The following DARS1 variants were observed in gnomAD, a reference collection of about 807,000 sequenced individuals.
DARS1 encodes aspartate--tRNA ligase, cytoplasmic.
In DARS1, 51 loss-of-function variants were observed where a neutral mutation model predicts 68.8. The ratio of observed to expected loss-of-function variants is 0.74; its 90% confidence interval spans 0.59 to 0.94. The LOEUF is 0.94. Ranked by LOEUF, DARS1 falls within the 40% of genes least tolerant of loss-of-function variation. The probability of loss-of-function intolerance (pLI) is 0.00; values close to 1 mark genes in which losing one functional copy is unlikely to be tolerated. For synonymous variants in DARS1, 203 were observed against 190.4 expected (o/e 1.07, Z -0.55); for missense variants, 607 against 597.3 (o/e 1.02, Z -0.17).
chr2:135,971,677 T>C (rs927237465), intron 3 of DARS1, among the ~76,000 whole-genome samples: 3 of 152,152 alleles, frequency 2.0e-5, no homozygotes, highest in African/African-American at 7.2e-5. Context: ...GCTATGATCT[T>C]ATATTTGGAA....
Position 135,979,342 on chromosome 2 carries a change from T to C in DARS1, c.149A>G (p.Asp50Gly). The change falls in exon 3 of 16, where the codon GAC becomes GGC. Residue 50 changes from aspartate to glycine, a missense_variant. Transcript: ENST00000264161. ...KPDRVLVRVR[D>G]LTIQKADEVV... ...TTCATCAGCTTTTTGTATTGTCAAG[T>C]CTCTAACCCGAACCAAAACTCGATC... 1 of 1,474,268 alleles carries C rather than the reference T, an allele frequency of 6.8e-7. No individual in the cohort carries two copies. Among genetic ancestry groups the C allele is most frequent in the Non-Finnish European group, 9.5e-7 (1 of 1,052,204 alleles). 91.3% of individuals were successfully genotyped at this position (1,474,268 alleles called of 1,614,324 possible).
At chr2:135,924,758 A>G (rs763622665) in intron 7 of DARS1, among the ~76,000 whole-genome samples, 10 of 152,204 alleles carry the variant, frequency 6.6e-5, no homozygotes, top group Non-Finnish European at 1.5e-4. Flanking sequence ...GAATTCCATA[A>G]AAGAAAAATG....
chr2:135,939,651 C>T (rs1363226781), intron 5 of DARS1, among the ~76,000 whole-genome samples: 1 of 152,096 alleles, frequency 6.6e-6, no homozygotes, highest in African/African-American at 2.4e-5. Flanking sequence ...GCAAGAATAA[C>T]TAAGATCAGA....
chr2:135,985,354 C>T, intron 1 of DARS1, 49 bp downstream of exon 1: 2 of 1,597,860 alleles, frequency 1.3e-6, no homozygotes, highest in South Asian at 1.1e-5. Context: ...CTCGGCGCAG[C>T]CCGGCCCAGG....
intron 4 of DARS1, among the ~76,000 whole-genome samples, chr2:135,955,602 C>T (rs1281061168): frequency 2.2e-5 from 3 of 133,630 alleles, no homozygotes; most frequent in Non-Finnish European, 4.8e-5. Context: ...AAAACAGCAT[C>T]AAAAGAACAA....
chr2:135,933,921 C>T lies in DARS1; in HGVS notation c.493G>A (p.Glu165Lys). The T allele has an allele frequency of 1.2e-6, 2 of 1,613,000 alleles. No homozygotes were observed. The highest frequency in any genetic ancestry group is 1.7e-6 in the Non-Finnish European group (2 of 1,179,250). Reference protein sequence around the residue: ...QLDDAVRPEAEGEEEGRATVN... With the variant: ...QLDDAVRPEAKGEEEGRATVN... ...AGTATAATTTTTACCTCTTCTCCTTCTGCCTCAGGCCGAACAGCATCATCC... is the reference window on the plus strand; with the variant it reads ...AGTATAATTTTTACCTCTTCTCCTTTTGCCTCAGGCCGAACAGCATCATCC... The change falls in exon 6 of 16, where the codon GAA becomes AAA. Residue 165 changes from glutamate (E) to lysine (K), a missense_variant. Physicochemically the swap from Glu to Lys is moderately conservative, Grantham distance 56 (BLOSUM62 1). Transcript: ENST00000264161.
At position 135,932,814 on chromosome 2, in the gene DARS1, G is replaced by T; in HGVS notation, c.533C>A (p.Thr178Lys). ...ATCAATGACTCTGTTGTCTAATCTT[G>T]TATCCTGGTTAACAGTAGCTCTTCC... Reference protein sequence around the residue: ...EEGRATVNQDTRLDNRVIDLR... With the variant: ...EEGRATVNQDKRLDNRVIDLR... The change falls in exon 7 of 16, where the codon ACA becomes AAA. Residue 178 changes from threonine (T) to lysine (K), a missense_variant. Coordinates refer to ENST00000264161, the MANE Select transcript of DARS1 (RefSeq NM_001349.4). 4.6e-6 allele frequency: 6 copies of T among 1,306,486 alleles called. No homozygotes were observed. Among genetic ancestry groups the T allele is most frequent in the South Asian group, 1.2e-5 (1 of 80,632 alleles). The allele number at this position is 1,306,486 out of a possible 1,614,324, so 80.9% of individuals were successfully genotyped here.
intron 5 of DARS1, among the ~76,000 whole-genome samples, chr2:135,939,690 A>G (rs1681553798): frequency 6.6e-6 from 1 of 152,220 alleles, no homozygotes; most frequent in Admixed American, 6.5e-5. Flanking sequence ...GAGACACAAA[A>G]ACCCTTCAAA....
chr2:135,974,884 A>G (rs1682460772), intron 3 of DARS1, among the ~76,000 whole-genome samples: 2 of 152,226 alleles, frequency 1.3e-5, no homozygotes, highest in Non-Finnish European at 2.9e-5. Context: ...CAATATATAA[A>G]AGAAGTTCAA....
intron 5 of DARS1, among the ~76,000 whole-genome samples, chr2:135,938,216 T>C (rs1681513288): frequency 6.6e-6 from 1 of 152,222 alleles, no homozygotes; most frequent in Non-Finnish European, 1.5e-5. Flanking sequence ...TAAACTTCTC[T>C]TCTTGCTTCA....
intron 3 of DARS1, among the ~76,000 whole-genome samples, chr2:135,976,169 T>C (rs1042555920): frequency 6.6e-6 from 1 of 152,224 alleles, no homozygotes; most frequent in Non-Finnish European, 1.5e-5. Flanking sequence ...CTCACTTTTG[T>C]AAAAGAAAAA....
chr2:135,979,925 G>A (rs1331022028), intron 2 of DARS1, among the ~76,000 whole-genome samples: 1 of 152,192 alleles, frequency 6.6e-6, no homozygotes, highest in African/African-American at 2.4e-5. Flanking sequence ...ACAGATGCTG[G>A]GAATGAAGCT....
intron 11 of DARS1, 89 bp from the exon 12 acceptor site, chr2:135,914,600 G>C: frequency 1.2e-6 from 1 of 866,238 alleles, no homozygotes. Context: ...AGTTTCTCAA[G>C]GGATTACAAA....
intron 4 of DARS1, among the ~76,000 whole-genome samples, chr2:135,959,048 A>C (rs1038643228): frequency 6.6e-6 from 1 of 152,034 alleles, no homozygotes; most frequent in Middle Eastern, 3.2e-3. Flanking sequence ...CCACTTCAGG[A>C]ATTAAAAAAT....
intron 3 of DARS1, among the ~76,000 whole-genome samples, chr2:135,972,312 C>A (rs1221804648): frequency 6.6e-6 from 1 of 152,034 alleles, no homozygotes; most frequent in Non-Finnish European, 1.5e-5. Context: ...GACAAAGGTG[C>A]CAATAACATA....
chr2:135,931,143 G>C (rs1464543510), intron 7 of DARS1, among the ~76,000 whole-genome samples: 1 of 152,200 alleles, frequency 6.6e-6, no homozygotes, highest in Non-Finnish European at 1.5e-5. Flanking sequence ...TATAGAAGAA[G>C]AATGGCAATT....
chr2:135,943,343 T>C, intron 5 of DARS1, 35 bp downstream of exon 5: 3 of 1,595,938 alleles, frequency 1.9e-6, no homozygotes, highest in Middle Eastern at 3.4e-4. Flanking sequence ...CCAAATCTAT[T>C]TCTATATGCG....
chr2:135,942,492 C>CT, intron 5 of DARS1, among the ~76,000 whole-genome samples: 1 of 117,712 alleles, frequency 8.5e-6, no homozygotes, highest in Non-Finnish European at 1.6e-5. Context: ...CATCACACAT[C>CT]AGGGCCTGTA....
intron 4 of DARS1, 142 bp from the exon 5 acceptor site, chr2:135,943,622 T>G (rs1681655608): frequency 2.3e-6 from 3 of 1,299,542 alleles, no homozygotes; most frequent in Non-Finnish European, 3.1e-6. Flanking sequence ...CTATTTAACC[T>G]ACTTAGAATA....
Sources: allele counts gnomAD v4.1 joint callset (sites outside exome capture counted in the v4.1 genomes callset), GRCh38; gene constraint gnomAD v4.1.1; transcripts MANE v1.5; gene names NCBI Gene and HGNC (gene_info 2026-07-23, HGNC 2026-07-21).